The following STX7 variants were observed in gnomAD, a reference collection of about 807,000 sequenced individuals.
The protein encoded by STX7 is syntaxin-7.
In STX7, 34 loss-of-function variants were observed where a neutral mutation model predicts 39.6. The ratio of observed to expected loss-of-function variants is 0.86; its 90% CI spans 0.65 to 1.14. The LOEUF is 1.14. Among genes scored for constraint, STX7 ranks in the 50% most tolerant of loss-of-function variants. The pLI, the probability that STX7 is intolerant of heterozygous loss-of-function variation, is 0.00. For missense variants in STX7, 284 were observed against 310.4 expected, an observed-to-expected ratio of 0.92 and a Z score of 0.64; for synonymous variants, 119 against 99.1, an observed-to-expected ratio of 1.20 and a Z score of -1.19.
intron 2 of STX7, among the ~76,000 whole-genome samples, chr6:132,484,755 C>G (rs974949509): frequency 2.6e-5 from 4 of 152,122 alleles, no homozygotes; most frequent in African/African-American, 9.7e-5. Flanking sequence ...TGAAGGCTGA[C>G]CAGCAAGTAG....
chr6:132,501,948 A>G (rs1315751813), intron 2 of STX7, among the ~76,000 whole-genome samples: 1 of 151,854 alleles, frequency 6.6e-6, no homozygotes, highest in Non-Finnish European at 1.5e-5. Context: ...CCAGAGGAGC[A>G]AAGCAGAGCC....
intron 5 of STX7, 125 bp from the exon 6 acceptor site, chr6:132,470,751 G>C (rs979747786): frequency 7.8e-6 from 4 of 510,244 alleles, no homozygotes; most frequent in Non-Finnish European, 1.4e-5. Context: ...GTGTGTATGT[G>C]TGTGTGTGTG....
chr6:132,504,869 T>A (rs1775658619), intron 1 of STX7, among the ~76,000 whole-genome samples: 2 of 152,166 alleles, frequency 1.3e-5, no homozygotes, highest in African/African-American at 4.8e-5. Flanking sequence ...TTATGACCAG[T>A]ATGCAGAACA....
At chr6:132,511,076 T>G (rs1304096700) in intron 1 of STX7, among the ~76,000 whole-genome samples, 1 of 152,022 alleles carries the variant, frequency 6.6e-6, no homozygotes, top group Non-Finnish European at 1.5e-5. Flanking sequence ...GGGTGGGGGG[T>G]GAGCATTTTT....
intron 2 of STX7, among the ~76,000 whole-genome samples, chr6:132,479,713 T>C (rs996714524): frequency 6.6e-6 from 1 of 152,208 alleles, no homozygotes; most frequent in Admixed American, 6.5e-5. Context: ...CCATGGGTAT[T>C]GCCGTACACC....
intron 2 of STX7, among the ~76,000 whole-genome samples, chr6:132,492,919 C>T (rs1775331005): frequency 6.6e-6 from 1 of 152,166 alleles, no homozygotes; most frequent in African/African-American, 2.4e-5. Context: ...CCACCCTGCC[C>T]CACTCTCCTC....
In STX7 at chr6:132,471,606, G is replaced by C. The variant is rs748568386; in HGVS notation, c.250-6C>G. ...TTCTGTATTTTCCTTTGACGCTAGA[G>C]GAAAGAGAAGAAAAAGCCAACTAGA... On this transcript the variant is annotated splice_region_variant and splice_polypyrimidine_tract_variant and intron_variant, in intron 4 of 9. Transcript: ENST00000367941. 6 of 1,605,998 alleles carry C rather than the reference G, an allele frequency of 3.7e-6. No homozygotes were observed. The African/African-American group carries it at 4.0e-5, about 11-fold the overall frequency.
At position 132,446,792 on chromosome 6, in the gene STX7, T is replaced by C. The variant is rs1235923583; in HGVS notation, c.*13966A>G. On this transcript the variant is annotated 3_prime_UTR_variant, in exon 10 of 10. Transcript: ENST00000367941. The stretch of plus-strand genomic sequence containing the variant: ...GAAAGTAAGTCACAAGCTGATTGCC[T>C]AGAGTGGGTTTTTCCCCATCTCTGA... The C allele has an allele frequency of 6.6e-6, 1 of 152,210 alleles. No individual in the cohort carries two copies. The highest frequency in any genetic ancestry group is 2.4e-5 in the African/African-American group (1 of 41,452). The allele number at this position is 152,210 out of a possible 1,614,324, so 9.4% of individuals were successfully genotyped here.
At chr6:132,474,778 CA>C (rs1774828861) in intron 3 of STX7, among the ~76,000 whole-genome samples, 1 of 152,112 alleles carries the variant, frequency 6.6e-6, no homozygotes, top group South Asian at 2.1e-4. Context: ...ATACCACAGA[CA>C]AAATATTATC....
chr6:132,471,630 GA>G (rs1223514115), intron 4 of STX7, 30 bp from the exon 5 acceptor site: 1 of 1,603,048 alleles, frequency 6.2e-7, no homozygotes, highest in African/African-American at 1.4e-5. Context: ...AAGCCAACTA[GA>G]ATCTAGCTGT....
chr6:132,506,411 C>T (rs377755608), intron 1 of STX7, among the ~76,000 whole-genome samples: 43 of 152,112 alleles, frequency 2.8e-4, no homozygotes, highest in African/African-American at 9.4e-4. Flanking sequence ...AAAAACCCCA[C>T]AAATAACCCC....
At chr6:132,479,822 G>A (rs960821350) in intron 2 of STX7, among the ~76,000 whole-genome samples, 2 of 152,052 alleles carry the variant, frequency 1.3e-5, no homozygotes, top group Non-Finnish European at 2.9e-5. Flanking sequence ...CTTCCCAGAT[G>A]CACATCCATA....
intron 2 of STX7, among the ~76,000 whole-genome samples, chr6:132,481,036 C>T (rs1423736183): frequency 6.6e-6 from 1 of 152,114 alleles, no homozygotes; most frequent in Non-Finnish European, 1.5e-5. Context: ...CAGGAAATCA[C>T]CCCCTAAATT....
rs1774136203 is a variant in STX7, at chr6:132,451,518, CTG to C, written c.*9238_*9239del. 1 of 152,006 alleles carries C rather than the reference CTG, an allele frequency of 6.6e-6. No homozygotes were observed. Among genetic ancestry groups the C allele is most frequent in the African/African-American group, 2.4e-5 (1 of 41,374 alleles). 9.4% of individuals were successfully genotyped at this position (152,006 alleles called of 1,614,324 possible). ...CAAGACATTTTCAGATGAAAGAAAA[CTG>C]AGAGAATTTGTTGCCAATGGAACTA... On this transcript the variant is annotated 3_prime_UTR_variant, in exon 10 of 10. Coordinates refer to ENST00000367941, the MANE Select transcript of STX7 (RefSeq NM_003569.3).
rs1774091641 is a variant in STX7, at chr6:132,449,291, T to G, written c.*11467A>C. 1 of 152,024 alleles carries G rather than the reference T, an allele frequency of 6.6e-6. No homozygotes were observed. Among genetic ancestry groups the G allele is most frequent in the African/African-American group, 2.4e-5 (1 of 41,372 alleles). 9.4% of individuals were successfully genotyped at this position (152,024 alleles called of 1,614,324 possible). A position where few individuals can be genotyped will look rare whatever the true frequency, so the allele number is the denominator to read the frequency against. On this transcript the variant is annotated 3_prime_UTR_variant, in exon 10 of 10. Transcript: ENST00000367941. ...GTTCATGTCACCACATCTGGCTAAT[T>G]CTTAATTTTTTTTGTAGAGATGGAG... is the stretch of plus-strand genomic sequence containing the variant.
rs149539935 is a variant in STX7, at chr6:132,507,254, T to G, written c.-58-3666A>C. On this transcript the variant is annotated intron_variant, in intron 1 of 9. Transcript: ENST00000367941. ...GACTTCACGCTATGCAATATAACCA[T>G]GTAACAAAACTGCATGTGCACCCCT... Among the ~76,000 whole-genome samples the G allele has an allele frequency of 3.9e-5, 6 of 152,330 alleles. No individual in the cohort carries two copies. In the East Asian group the frequency reaches 1.2e-3, roughly 29 times the overall value.
intron 2 of STX7, among the ~76,000 whole-genome samples, chr6:132,485,966 GTT>G (rs1370780913): frequency 6.6e-6 from 1 of 152,120 alleles, no homozygotes; most frequent in Non-Finnish European, 1.5e-5. Flanking sequence ...AATGTTTGAT[GTT>G]ATTGTAAATG....
intron 2 of STX7, among the ~76,000 whole-genome samples, chr6:132,487,571 C>A (rs1291192840): frequency 6.6e-6 from 1 of 152,064 alleles, no homozygotes; most frequent in East Asian, 1.9e-4. Flanking sequence ...TGCAGCAAAC[C>A]ACCATGGCAC....
Position 132,447,219 on chromosome 6 carries a change from A to G in STX7, c.*13539T>C, listed in dbSNP as rs1014431507. On this transcript the variant is annotated 3_prime_UTR_variant, in exon 10 of 10. Transcript: ENST00000367941. ...TGTAGTGGAAAGAGTTAGACTCACT[A>G]GACATTGATTAGCTGACTGACATAG... The G allele has an allele frequency of 1.3e-5, 2 of 152,288 alleles. No individual in the cohort carries two copies. Among genetic ancestry groups the G allele is most frequent in the Non-Finnish European group, 2.9e-5 (2 of 68,012 alleles). The allele number at this position is 152,288 out of a possible 1,614,324, so 9.4% of individuals were successfully genotyped here.
Sources: allele counts gnomAD v4.1 joint callset (sites outside exome capture counted in the v4.1 genomes callset), GRCh38; gene constraint gnomAD v4.1.1; transcripts MANE v1.5; gene names NCBI Gene and HGNC (gene_info 2026-07-23, HGNC 2026-07-21).